The following TSC1 variants were observed in gnomAD, a reference collection of about 807,000 sequenced individuals.
TSC1 encodes TSC complex subunit 1.
Under a neutral mutation model 124.3 loss-of-function variants are expected in TSC1, and 20 were observed. That is an observed-to-expected ratio of 0.16 (90% confidence interval 0.11 to 0.23). The LOEUF (loss-of-function observed/expected upper bound fraction) is 0.23. TSC1 is among the 10% of genes least tolerant of loss of function. The probability of loss-of-function intolerance (pLI) is 1.00; values close to 1 mark genes in which losing one functional copy is unlikely to be tolerated. For synonymous variants in TSC1, 493 were observed against 539.1 expected (o/e 0.91, Z 1.19); for missense variants, 1,124 against 1,448.5 (o/e 0.78, Z 3.64).
chr9:132,892,725 A>C lies in TSC1; in HGVS notation c.*3510T>G. 4.3e-6 allele frequency: 1 copy of C among 233,260 alleles called. No individual in the cohort carries two copies. Among genetic ancestry groups the C allele is most frequent in the Non-Finnish European group, 8.5e-6 (1 of 118,062 alleles). The allele number at this position is 233,260 out of a possible 1,614,324, so 14.4% of individuals were successfully genotyped here. On this transcript the variant is annotated 3_prime_UTR_variant, in exon 23 of 23. Transcript: ENST00000298552. ...CCTTCTTCAAGTGGTATGCTCTACT[A>C]TTTGGTAGAAATTCACATTGGCTTG...
intron 2 of TSC1, among the ~76,000 whole-genome samples, chr9:132,931,841 A>G (rs1409966238): frequency 6.6e-6 from 1 of 152,258 alleles, no homozygotes; most frequent in East Asian, 1.9e-4. Flanking sequence ...ATGTGTACAA[A>G]AAAGGGGAAG....
At chr9:132,938,243 G>A (rs1385493354) in intron 1 of TSC1, among the ~76,000 whole-genome samples, 1 of 152,220 alleles carries the variant, frequency 6.6e-6, no homozygotes, top group African/African-American at 2.4e-5. Flanking sequence ...GGTCAGTAAA[G>A]TGAGATGTGA....
At chr9:132,901,480 G>C (rs1845368542) in intron 19 of TSC1, 109 bp downstream of exon 19, 1 of 1,036,026 alleles carries the variant, frequency 9.7e-7, no homozygotes, top group Admixed American at 1.7e-5. Context: ...CTTCCTGTTG[G>C]GAACCCATGA....
At chr9:132,919,506 A>T (rs1237430923) in intron 8 of TSC1, among the ~76,000 whole-genome samples, 7 of 152,216 alleles carry the variant, frequency 4.6e-5, no homozygotes, top group Non-Finnish European at 7.3e-5. Flanking sequence ...TAAGAGCAAC[A>T]TTGGAAGCAG....
chr9:132,928,624 A>T, intron 3 of TSC1, 143 bp downstream of exon 3: 2 of 1,019,672 alleles, frequency 2.0e-6, no homozygotes, highest in Non-Finnish European at 2.9e-6. Context: ...TTGAAAGTTT[A>T]AAACACATAT....
chr9:132,916,677 T>C (rs1157179868), intron 8 of TSC1, among the ~76,000 whole-genome samples: 1 of 152,248 alleles, frequency 6.6e-6, no homozygotes, highest in Non-Finnish European at 1.5e-5. Flanking sequence ...TTTTCCTAAA[T>C]GTATTCTAAC....
chr9:132,935,255 C>T (rs1847398938), intron 1 of TSC1, among the ~76,000 whole-genome samples, 160 bp from the exon 2 acceptor site: 1 of 152,218 alleles, frequency 6.6e-6, no homozygotes, highest in Non-Finnish European at 1.5e-5. Context: ...AAGCACGTGC[C>T]TCTCCCCGTC....
chr9:132,930,594 A>T (rs1847151900), intron 2 of TSC1, among the ~76,000 whole-genome samples: 1 of 150,390 alleles, frequency 6.6e-6, no homozygotes. Context: ...CCTCAAAAAA[A>T]AAAAAAAAAA....
chr9:132,944,968 G>A (rs988159078), upstream of TSC1: 2 of 196,414 alleles, frequency 1.0e-5, no homozygotes, highest in Admixed American at 6.1e-5. Context: ...TGGCGGGCGG[G>A]GGGACGCGGC....
At chr9:132,939,083 T>C (rs1262722444) in intron 1 of TSC1, 2 of 152,208 alleles carry the variant, frequency 1.3e-5, no homozygotes, top group African/African-American at 4.8e-5. Context: ...CAGGCATGGA[T>C]AGACTATTTT....
Position 132,895,604 on chromosome 9 carries a change from CAGA to C in TSC1, c.*628_*630del, listed in dbSNP as rs1287701423. 2 of 234,784 alleles carry C rather than the reference CAGA, an allele frequency of 8.5e-6. No homozygotes were observed. Among genetic ancestry groups the C allele is most frequent in the Non-Finnish European group, 1.7e-5 (2 of 119,136 alleles). The allele number at this position is 234,784 out of a possible 1,614,324, so 14.5% of individuals were successfully genotyped here. On this transcript the variant is annotated 3_prime_UTR_variant, in exon 23 of 23. Transcript: ENST00000298552. ...TTTCTGAAACAGGCTTCTGTTTACA[CAGA>C]ACTTTCTAGGAAGCTTATCAGAACT...
At position 132,906,395 on chromosome 9, in the gene TSC1, A is replaced by G; in HGVS notation, c.1439-256T>C. 2 of 558,344 alleles carry G rather than the reference A, an allele frequency of 3.6e-6. No individual in the cohort carries two copies. The highest frequency in any genetic ancestry group is 3.2e-6 in the Non-Finnish European group (1 of 313,138). 34.6% of individuals were successfully genotyped at this position (558,344 alleles called of 1,614,324 possible). On this transcript the variant is annotated intron_variant, in intron 14 of 22. Transcript: ENST00000298552. This position sits in a 1 kb window ranked among gnomAD's most constrained non-coding sequence, Gnocchi z 4.1. Reference sequence around the variant, plus strand: ...ATCCCATCTCTACAAAAAATACAATAAAAATCAGCTGAGCATCGTGGTGTA... The same window carrying G: ...ATCCCATCTCTACAAAAAATACAATGAAAATCAGCTGAGCATCGTGGTGTA...
chr9:132,896,842 A>G lies in TSC1; in HGVS notation c.2976-88T>C, dbSNP rs190854121. The stretch of plus-strand genomic sequence containing the variant: ...TGGAATTACACTGACACTCACTCAC[A>G]CTGACACTGAACTCCGCTAGCCCAC... On this transcript the variant is annotated intron_variant, in intron 22 of 22. Coordinates refer to ENST00000298552, the MANE Select transcript of TSC1 (RefSeq NM_000368.5). The surrounding 1 kb of genome is among the most constrained non-coding windows in gnomAD (Gnocchi z 4.5). 15 of 1,594,246 alleles carry G rather than the reference A, an allele frequency of 9.4e-6. No individual in the cohort carries two copies. Among genetic ancestry groups the G allele is most frequent in the Non-Finnish European group, 1.2e-5 (14 of 1,163,682 alleles).
intron 18 of TSC1, 110 bp from the exon 19 acceptor site, chr9:132,901,809 C>G (rs1845389258): frequency 2.2e-6 from 2 of 900,982 alleles, no homozygotes; most frequent in Admixed American, 4.2e-5. Context: ...CTCAACGGCT[C>G]TACTTTCTTG....
intron 15 of TSC1, among the ~76,000 whole-genome samples, 179 bp downstream of exon 15, chr9:132,905,402 G>C (rs902472194): frequency 6.6e-5 from 10 of 152,138 alleles, no homozygotes; most frequent in Non-Finnish European, 7.3e-5. Flanking sequence ...GTGCACAGAG[G>C]TCACACATGG....
intron 1 of TSC1, chr9:132,943,336 C>T (rs1847845234): frequency 6.6e-6 from 1 of 151,832 alleles, no homozygotes; most frequent in South Asian, 2.1e-4. Flanking sequence ...TTTAGACTAA[C>T]AAGTTCACAT....
chr9:132,944,975 C>T (rs866527889), upstream of TSC1: 3 of 192,090 alleles, frequency 1.6e-5, no homozygotes, highest in African/African-American at 2.3e-5. Context: ...CGGGGGGACG[C>T]GGCGGAGAGG....
intron 12 of TSC1, among the ~76,000 whole-genome samples, chr9:132,907,759 G>A (rs1486471242): frequency 2.6e-5 from 4 of 152,148 alleles, no homozygotes; most frequent in Non-Finnish European, 5.9e-5. Flanking sequence ...CAAAGTGCTG[G>A]GACCACGCCC....
At chr9:132,908,318 T>G (rs1845772354) in intron 12 of TSC1, among the ~76,000 whole-genome samples, 1 of 152,226 alleles carries the variant, frequency 6.6e-6, no homozygotes, top group Non-Finnish European at 1.5e-5. Flanking sequence ...CTCTTTAATA[T>G]ATGGCTTCAT....
Sources: gnomAD v4.1 joint callset for allele counts (sites outside exome capture counted in the v4.1 genomes callset) on GRCh38, gnomAD v4.1.1 for gene constraint, Gnocchi (gnomAD v3.1) non-coding constraint, MANE v1.5 for transcripts, NCBI Gene and HGNC (gene_info 2026-07-23, HGNC 2026-07-21) for gene names.